The following SPMIP7 variants were observed in gnomAD, a reference collection of about 807,000 sequenced individuals.
SPMIP7 encodes sperm microtubule inner protein 7.
At chr7:50,135,726 G>C in the SPMIP7 span, among the ~76,000 whole-genome samples, 1 of 152,150 alleles carries the variant, frequency 6.6e-6, no homozygotes, top group African/African-American at 2.4e-5. Context: ...TAGGATCTAG[G>C]CTCGTTTGGA....
chr7:50,143,418 C>T, the SPMIP7 span, among the ~76,000 whole-genome samples: 2 of 152,134 alleles, frequency 1.3e-5, no homozygotes, highest in Non-Finnish European at 1.5e-5. Flanking sequence ...CCGCCTGCCT[C>T]GGCCTCCCAA....
the SPMIP7 span, among the ~76,000 whole-genome samples, chr7:50,125,289 T>C: frequency 5.0e-4 from 49 of 98,858 alleles, no homozygotes; most frequent in African/African-American, 1.6e-3. Context: ...TATATACACA[T>C]ATATATACAC....
chr7:50,104,120 G>A, the SPMIP7 span, among the ~76,000 whole-genome samples: 126,201 of 152,176 alleles, frequency 0.83, 52,374 homozygotes, highest in East Asian at 0.88. Context: ...CTGCACTATT[G>A]TAATTCGGCT....
chr7:50,100,412 G>C, the SPMIP7 span, among the ~76,000 whole-genome samples: 2 of 152,208 alleles, frequency 1.3e-5, no homozygotes, highest in Non-Finnish European at 2.9e-5. Context: ...AAGGTAACTT[G>C]TTCATGAATT....
At chr7:50,117,374 T>C in the SPMIP7 span, 2 of 388,922 alleles carry the variant, frequency 5.1e-6, no homozygotes, top group Admixed American at 6.0e-5. Context: ...GGTAGTTTCA[T>C]CTGAGCCGCT....
At chr7:50,154,258 A>G in the SPMIP7 span, among the ~76,000 whole-genome samples, 1 of 152,126 alleles carries the variant, frequency 6.6e-6, no homozygotes, top group Non-Finnish European at 1.5e-5. Flanking sequence ...GAGCAGCTAT[A>G]ATCTACTCAG....
At chr7:50,139,984 C>G in the SPMIP7 span, among the ~76,000 whole-genome samples, 2 of 152,140 alleles carry the variant, frequency 1.3e-5, no homozygotes, top group Non-Finnish European at 2.9e-5. Flanking sequence ...AAACTACATC[C>G]TTAAATAGTC....
the SPMIP7 span, chr7:50,140,211 A>T: frequency 7.1e-7 from 1 of 1,406,414 alleles, no homozygotes; most frequent in Non-Finnish European, 9.5e-7. Context: ...CTTGTAAAAA[A>T]ATTTTAGATT....
chr7:50,107,362 C>CAAAAAAAAAAAAAAAA, the SPMIP7 span, among the ~76,000 whole-genome samples: 3 of 16,648 alleles, frequency 1.8e-4, no homozygotes, highest in Non-Finnish European at 2.0e-4. Flanking sequence ...GACTCTGTCT[C>CAAAAAAAAAAAAAAAA]AAAAAAAAAA....
the SPMIP7 span, among the ~76,000 whole-genome samples, chr7:50,108,515 T>G: frequency 6.6e-6 from 1 of 152,134 alleles, no homozygotes; most frequent in Admixed American, 6.5e-5. Flanking sequence ...TCAACAAGCA[T>G]GTCAACTATA....
chr7:50,139,211 T>A, the SPMIP7 span, among the ~76,000 whole-genome samples: 24 of 151,972 alleles, frequency 1.6e-4, no homozygotes, highest in African/African-American at 5.5e-4. Flanking sequence ...TAGCTGGGTG[T>A]GGTGGCACGT....
chr7:50,132,501 A>C, the SPMIP7 span, among the ~76,000 whole-genome samples: 1 of 152,172 alleles, frequency 6.6e-6, no homozygotes, highest in African/African-American at 2.4e-5. Context: ...TTCTCTTTAA[A>C]CATATAAAGT....
chr7:50,110,169 T>G, the SPMIP7 span, among the ~76,000 whole-genome samples: 1 of 151,772 alleles, frequency 6.6e-6, no homozygotes, highest in African/African-American at 2.4e-5. Flanking sequence ...AATGTAAAAT[T>G]TCTTCATTTA....
the SPMIP7 span, among the ~76,000 whole-genome samples, chr7:50,101,472 T>C: frequency 0.83 from 126,179 of 152,158 alleles, 52,364 homozygotes; most frequent in East Asian, 0.88. Context: ...TTCTGAATCC[T>C]GGGAGAGAAT....
the SPMIP7 span, among the ~76,000 whole-genome samples, chr7:50,123,311 G>A: frequency 9.8e-5 from 11 of 112,258 alleles, no homozygotes; most frequent in East Asian, 1.2e-3. Context: ...GTAAACTATC[G>A]CAAGAACAAA....
At chr7:50,134,142 C>T in the SPMIP7 span, 1 of 1,550,208 alleles carries the variant, frequency 6.5e-7, no homozygotes, top group Middle Eastern at 1.7e-4. Context: ...TAAGATGCTA[C>T]CACCAAAACT....
the SPMIP7 span, among the ~76,000 whole-genome samples, chr7:50,097,613 T>C: frequency 6.6e-6 from 1 of 151,498 alleles, no homozygotes; most frequent in Admixed American, 6.6e-5. Flanking sequence ...TTTATGCCTG[T>C]GTATCCTTAC....
the SPMIP7 span, among the ~76,000 whole-genome samples, chr7:50,124,543 AAC>A: frequency 6.6e-6 from 1 of 152,182 alleles, no homozygotes; most frequent in Non-Finnish European, 1.5e-5. Context: ...TTCTCTAGCC[AAC>A]ACAGAGTCAA....
At chr7:50,099,675 C>T in the SPMIP7 span, among the ~76,000 whole-genome samples, 2 of 152,134 alleles carry the variant, frequency 1.3e-5, no homozygotes, top group Non-Finnish European at 2.9e-5. Context: ...GCTATGGTGT[C>T]TACTAGCCCA....
Sources: allele counts gnomAD v4.1 joint callset (sites outside exome capture counted in the v4.1 genomes callset), GRCh38; gene constraint gnomAD v4.1.1; transcripts MANE v1.5; gene names NCBI Gene and HGNC (gene_info 2026-07-23, HGNC 2026-07-21).